AKAIN1: variants seen among roughly 807,000 people sequenced by gnomAD.
AKAIN1 encodes A-kinase anchor protein inhibitor 1.
AKAIN1 carries 3 observed loss-of-function variants against 3.7 expected under a neutral mutation model. The observed-to-expected ratio is 0.82, with a 90% CI of 0.37 to 2.12. AKAIN1 has a LOEUF of 2.12. AKAIN1 is among the 30% of genes most tolerant of loss of function. AKAIN1 has a pLI of 0.06. For synonymous variants in AKAIN1, 31 were observed against 30.8 expected (o/e 1.01, Z -0.02); for missense variants, 82 against 82.7 (o/e 0.99, Z 0.03).
At chr18:5,194,134 A>G (rs1260259791) in intron 1 of AKAIN1, among the ~76,000 whole-genome samples, 5 of 152,154 alleles carry the variant, frequency 3.3e-5, no homozygotes, top group Non-Finnish European at 7.3e-5. Flanking sequence ...TGTATACTTT[A>G]TACCTCATTT....
intron 1 of AKAIN1, among the ~76,000 whole-genome samples, chr18:5,169,629 C>T (rs2071186279): frequency 6.6e-6 from 1 of 152,078 alleles, no homozygotes; most frequent in Non-Finnish European, 1.5e-5. Flanking sequence ...TTGACGAGGC[C>T]AGCAACTAAT....
chr18:5,180,310 G>T (rs543555756), intron 1 of AKAIN1, among the ~76,000 whole-genome samples: 1 of 152,010 alleles, frequency 6.6e-6, no homozygotes, highest in African/African-American at 2.4e-5. Flanking sequence ...CCTATTTATG[G>T]CCTTAACTGA....
intron 1 of AKAIN1, among the ~76,000 whole-genome samples, chr18:5,181,413 C>A (rs11659405): frequency 0.14 from 21,876 of 152,172 alleles, 2,060 homozygotes; most frequent in Middle Eastern, 0.27. Flanking sequence ...AGCATTTTAG[C>A]CACATGTTAA....
chr18:5,174,349 A>C (rs776717497), intron 1 of AKAIN1, among the ~76,000 whole-genome samples: 9 of 152,154 alleles, frequency 5.9e-5, no homozygotes, highest in Non-Finnish European at 1.3e-4. Flanking sequence ...CCACCTTAGA[A>C]AGCTAGGCCA....
chr18:5,184,979 T>C (rs114572109), intron 1 of AKAIN1, among the ~76,000 whole-genome samples: 1,940 of 152,234 alleles, frequency 0.013, 43 homozygotes, highest in African/African-American at 0.045. Flanking sequence ...AGCAGCATGA[T>C]ACTGGTACCA....
chr18:5,149,455 G>T (rs961303223), intron 1 of AKAIN1, among the ~76,000 whole-genome samples: 2 of 152,268 alleles, frequency 1.3e-5, no homozygotes, highest in Non-Finnish European at 1.5e-5. Context: ...CCGTTCAGCT[G>T]AGCTTCATAT....
intron 1 of AKAIN1, among the ~76,000 whole-genome samples, chr18:5,185,106 T>C (rs2071279386): frequency 6.6e-6 from 1 of 152,178 alleles, no homozygotes; most frequent in Admixed American, 6.6e-5. Flanking sequence ...AAGGACTTTC[T>C]ATTCAATAAA....
At chr18:5,191,959 C>T (rs10853328) in intron 1 of AKAIN1, among the ~76,000 whole-genome samples, 123,176 of 152,080 alleles carry the variant, frequency 0.81, 52,458 homozygotes, top group Non-Finnish European at 0.95. Context: ...CTTATACGCA[C>T]AGAAGGTAGC....
At chr18:5,195,514 C>T (rs1418587902) in intron 1 of AKAIN1, among the ~76,000 whole-genome samples, 2 of 152,152 alleles carry the variant, frequency 1.3e-5, no homozygotes, top group Non-Finnish European at 2.9e-5. Context: ...AAATCATCTA[C>T]CCCTGGAGCC....
chr18:5,159,826 C>T (rs1476737358), intron 1 of AKAIN1, among the ~76,000 whole-genome samples: 1 of 152,218 alleles, frequency 6.6e-6, no homozygotes, highest in African/African-American at 2.4e-5. Context: ...GCTCTCCAAT[C>T]GTGTCCCCTT....
chr18:5,165,052 C>A (rs1166409682), intron 1 of AKAIN1, among the ~76,000 whole-genome samples: 1 of 152,004 alleles, frequency 6.6e-6, no homozygotes, highest in Non-Finnish European at 1.5e-5. Context: ...TCATTCCCTG[C>A]TGTGTACAAT....
chr18:5,197,287 G>C, upstream of AKAIN1: 1 of 1,371,212 alleles, frequency 7.3e-7, no homozygotes, highest in Non-Finnish European at 9.3e-7. This position sits in a 1 kb window ranked among gnomAD's most constrained non-coding sequence, Gnocchi z 6.9. Flanking sequence ...GAGGAGGAGG[G>C]TGAATCCCCG....
chr18:5,150,098 C>T (rs1363317107), intron 1 of AKAIN1, among the ~76,000 whole-genome samples: 1 of 152,240 alleles, frequency 6.6e-6, no homozygotes, highest in Non-Finnish European at 1.5e-5. Context: ...AGGAAGGAAC[C>T]ACTTAGCTCC....
chr18:5,170,687 T>A (rs2071192396), intron 1 of AKAIN1: 2 of 152,168 alleles, frequency 1.3e-5, no homozygotes, highest in African/African-American at 4.8e-5. Flanking sequence ...CCATTCTTCA[T>A]CAAGAAACAG....
At chr18:5,155,368 T>G (rs34043204) in intron 1 of AKAIN1, among the ~76,000 whole-genome samples, 19,769 of 152,138 alleles carry the variant, frequency 0.13, 2,059 homozygotes, top group East Asian at 0.37. Context: ...GGTATGAATC[T>G]CAATTGCGCA....
intron 1 of AKAIN1, among the ~76,000 whole-genome samples, chr18:5,191,330 A>C (rs1437811296): frequency 6.6e-6 from 1 of 152,180 alleles, no homozygotes; most frequent in Non-Finnish European, 1.5e-5. Context: ...AACATGCAAA[A>C]TTGAACCATA....
intron 1 of AKAIN1, among the ~76,000 whole-genome samples, chr18:5,191,213 TA>T (rs370129741): frequency 2.9e-4 from 44 of 152,136 alleles, no homozygotes; most frequent in African/African-American, 1.0e-3. Flanking sequence ...AAAGAAGAAA[TA>T]AAACTTTTTT....
intron 1 of AKAIN1, among the ~76,000 whole-genome samples, chr18:5,178,796 C>G (rs192736978): frequency 3.3e-5 from 5 of 152,134 alleles, no homozygotes; most frequent in African/African-American, 9.7e-5. Flanking sequence ...ATTTTACCAG[C>G]CTGGGTGGTT....
Position 5,197,188 on chromosome 18 carries a change from C to T in AKAIN1, c.-135G>A, listed in dbSNP as rs532353605. On this transcript the variant is annotated 5_prime_UTR_variant, in exon 1 of 2. Coordinates refer to ENST00000434239, the MANE Select transcript of AKAIN1 (RefSeq NM_001145194.2). The surrounding 1 kb of genome is among the most constrained non-coding windows in gnomAD (Gnocchi z 6.9). The stretch of plus-strand genomic sequence containing the variant: ...GGCGGCGGGCGGGGCGGTCAGCACC[C>T]CGGACAGCTCCCGCCGCTAGATCCT... 5 of 1,457,642 alleles carry T rather than the reference C, an allele frequency of 3.4e-6. No homozygotes were observed. The highest frequency in any genetic ancestry group is 1.4e-5 in the South Asian group (1 of 72,728). 90.3% of individuals were successfully genotyped at this position (1,457,642 alleles called of 1,614,324 possible).
Sources: gnomAD v4.1 joint callset for allele counts (sites outside exome capture counted in the v4.1 genomes callset) on GRCh38, gnomAD v4.1.1 for gene constraint, Gnocchi (gnomAD v3.1) non-coding constraint, MANE v1.5 for transcripts, NCBI Gene and HGNC (gene_info 2026-07-23, HGNC 2026-07-21) for gene names.